Variants in UTRN observed in about 807,000 individuals in gnomAD.
UTRN encodes the protein dystrophin-related protein 1.
Under a neutral mutation model 463.9 loss-of-function variants are expected in UTRN, and 283 were observed. The ratio of observed to expected loss-of-function variants is 0.61; its 90% CI spans 0.55 to 0.67. UTRN has a LOEUF of 0.67. UTRN is among the 30% of genes least tolerant of loss of function. UTRN has a pLI of 0.00. For synonymous variants in UTRN, 1,442 were observed against 1,431.5 expected, an observed-to-expected ratio of 1.01 and a Z score of -0.17; for missense variants, 3,922 against 4,084.3, an observed-to-expected ratio of 0.96 and a Z score of 1.08.
At chr6:144,354,187 G>T (rs1225670402) in intron 2 of UTRN, among the ~76,000 whole-genome samples, 1 of 152,138 alleles carries the variant, frequency 6.6e-6, no homozygotes, top group Non-Finnish European at 1.5e-5. Flanking sequence ...AAGGCAGTGG[G>T]TGTGAATGCT....
Position 144,523,005 on chromosome 6 carries a change from T to C in UTRN, c.5734-11T>C. ...GCTGGATTTTGTTAATCTATGACAA[T>C]ATATTTTTAGAATATCAAAGACCAA... On this transcript the variant is annotated splice_polypyrimidine_tract_variant and intron_variant, in intron 40 of 74. Coordinates refer to ENST00000367545, the MANE Select transcript of UTRN (RefSeq NM_007124.3). 1.3e-6 allele frequency: 2 copies of C among 1,572,220 alleles called. No homozygotes were observed. The highest frequency in any genetic ancestry group is 1.7e-6 in the Non-Finnish European group (2 of 1,161,060).
intron 58 of UTRN, among the ~76,000 whole-genome samples, chr6:144,762,839 G>A (rs955430778): frequency 1.3e-5 from 2 of 152,170 alleles, no homozygotes; most frequent in African/African-American, 4.8e-5. Context: ...TATACATCCG[G>A]CCTGTTGGTA....
chr6:144,390,482 C>T (rs1304849505), intron 2 of UTRN, among the ~76,000 whole-genome samples: 2 of 152,204 alleles, frequency 1.3e-5, no homozygotes, highest in East Asian at 3.8e-4. Flanking sequence ...CCCACATTAC[C>T]TGCTCATTTA....
intron 51 of UTRN, among the ~76,000 whole-genome samples, chr6:144,676,915 A>G (rs1026518975): frequency 2.6e-5 from 4 of 152,186 alleles, no homozygotes; most frequent in Non-Finnish European, 5.9e-5. Flanking sequence ...AGTTTTACCT[A>G]TGTGAAAACG....
chr6:144,458,199 T>C (rs1789064588), intron 19 of UTRN, among the ~76,000 whole-genome samples: 1 of 152,190 alleles, frequency 6.6e-6, no homozygotes, highest in Non-Finnish European at 1.5e-5. Flanking sequence ...ATGTGCAAGG[T>C]CTCCAGTGGG....
intron 50 of UTRN, among the ~76,000 whole-genome samples, chr6:144,561,208 TATA>T (rs1562575527): frequency 0.036 from 121 of 3,334 alleles, 3 homozygotes; most frequent in Admixed American, 0.057. Flanking sequence ...AATAACATTA[TATA>T]TATATATATA....
rs560895069 is a variant in UTRN, at chr6:144,481,762, A to G, written c.3508-447A>G. Among the ~76,000 whole-genome samples, 4 of 152,366 alleles carry G rather than the reference A, an allele frequency of 2.6e-5. No homozygotes were observed. In the South Asian group the frequency reaches 8.3e-4, roughly 32 times the overall value. ...TTTCAGAGTTAGCATTCTTATTTCA[A>G]AAACGCTCAACTGGGCTGGGTGCAG... is the stretch of plus-strand genomic sequence containing the variant. On this transcript the variant is annotated intron_variant, in intron 26 of 74. Coordinates refer to ENST00000367545, the MANE Select transcript of UTRN (RefSeq NM_007124.3).
rs1780259883 is a variant in UTRN, at chr6:144,827,212, C to T, written c.9495-136C>T. The stretch of plus-strand genomic sequence containing the variant: ...GTGACTTCTGTTACTTTTGATTTCC[C>T]CATGGTGGCTCTCAGGGCAACCACA... On this transcript the variant is annotated intron_variant, in intron 66 of 74. Coordinates refer to ENST00000367545, the MANE Select transcript of UTRN (RefSeq NM_007124.3). The T allele has an allele frequency of 4.1e-6, 4 of 966,516 alleles. No homozygotes were observed. In the East Asian group the frequency reaches 1.0e-4, roughly 24 times the overall value. The allele number at this position is 966,516 out of a possible 1,614,324, so 59.9% of individuals were successfully genotyped here. A position where few individuals can be genotyped will look rare whatever the true frequency, so the allele number is the denominator to read the frequency against.
At chr6:144,466,215 A>G (rs1277519251) in intron 23 of UTRN, among the ~76,000 whole-genome samples, 2 of 152,262 alleles carry the variant, frequency 1.3e-5, no homozygotes, top group African/African-American at 4.8e-5. Context: ...CCACTACTTA[A>G]TAACATCTTT....
intron 2 of UTRN, among the ~76,000 whole-genome samples, chr6:144,391,451 T>G (rs1781915165): frequency 6.6e-6 from 1 of 152,198 alleles, no homozygotes; most frequent in African/African-American, 2.4e-5. Context: ...TAATTATAAA[T>G]TATGGCTTTT....
At chr6:144,483,944 T>TC (rs1221612034) in intron 27 of UTRN, among the ~76,000 whole-genome samples, 1 of 152,204 alleles carries the variant, frequency 6.6e-6, no homozygotes, top group Non-Finnish European at 1.5e-5. Flanking sequence ...TGCTCCTTGA[T>TC]CTGGTAAGCA....
intron 2 of UTRN, among the ~76,000 whole-genome samples, chr6:144,294,713 T>C (rs1339442930): frequency 6.6e-6 from 1 of 152,206 alleles, no homozygotes; most frequent in Admixed American, 6.5e-5. Context: ...AAAATGTCTA[T>C]GCATTTTATG....
chr6:144,568,988 G>C (rs566161829), intron 50 of UTRN, among the ~76,000 whole-genome samples: 1 of 152,178 alleles, frequency 6.6e-6, no homozygotes, highest in African/African-American at 2.4e-5. Context: ...GTATGAATAC[G>C]TGTTCCTGAG....
In UTRN at chr6:144,788,606, C is replaced by G. The variant is rs567037246; in HGVS notation, c.8835-588C>G. On this transcript the variant is annotated intron_variant, in intron 61 of 74. Transcript: ENST00000367545. ...TTGAGATGGAGTCTCGCTCTGTCAC[C>G]CAGGCTGGAGTGCAATGGCACGATC... Among the ~76,000 whole-genome samples the G allele has an allele frequency of 4.2e-4, 63 of 150,584 alleles. 2 individuals carry two copies. Among genetic ancestry groups the G allele is most frequent in the Admixed American group, 3.3e-3 (50 of 15,196 alleles).
chr6:144,810,187 G>T (rs1369366127), intron 65 of UTRN, among the ~76,000 whole-genome samples: 3 of 152,110 alleles, frequency 2.0e-5, no homozygotes, highest in African/African-American at 7.2e-5. Context: ...TCTCAAATAA[G>T]GGTCTTATGA....
At chr6:144,539,592 T>C (rs2128605968) in intron 45 of UTRN, 149 bp downstream of exon 45, 1 of 753,226 alleles carries the variant, frequency 1.3e-6, no homozygotes, top group East Asian at 3.0e-5. Flanking sequence ...TTATCTGTCA[T>C]AGACAGAGGC....
At chr6:144,494,360 C>A (rs1016263604) in intron 33 of UTRN, among the ~76,000 whole-genome samples, 2 of 151,932 alleles carry the variant, frequency 1.3e-5, no homozygotes, top group Admixed American at 1.3e-4. Context: ...TGGAGTTGTT[C>A]GTTCCTCCCA....
chr6:144,781,549 TG>T (rs1171703701), intron 60 of UTRN, among the ~76,000 whole-genome samples: 1 of 152,192 alleles, frequency 6.6e-6, no homozygotes, highest in African/African-American at 2.4e-5. Flanking sequence ...AGGAGAGCAG[TG>T]TAATATTTGA....
intron 51 of UTRN, among the ~76,000 whole-genome samples, chr6:144,661,398 A>G (rs1050178664): frequency 6.6e-6 from 1 of 152,162 alleles, no homozygotes; most frequent in Non-Finnish European, 1.5e-5. Context: ...TCCTGGCTGC[A>G]GTTGCTTCTC....
Sources: allele counts gnomAD v4.1 joint callset (sites outside exome capture counted in the v4.1 genomes callset), GRCh38; gene constraint gnomAD v4.1.1; transcripts MANE v1.5; gene names NCBI Gene and HGNC (gene_info 2026-07-23, HGNC 2026-07-21).